The following IKBKB-DT variants were observed in gnomAD, a reference collection of about 807,000 sequenced individuals.
IKBKB-DT encodes the protein IKBKB antisense RNA.
chr8:42,250,997 C>A (rs748699203), intron 3 of IKBKB-DT, among the ~76,000 whole-genome samples: 3 of 152,200 alleles, frequency 2.0e-5, no homozygotes, highest in Non-Finnish European at 4.4e-5. Context: ...CTTTGCCCAG[C>A]ACTTTGGGAG....
In IKBKB-DT at chr8:42,241,224, C is replaced by CTTTTTTTTTTTTTTTTTTTTTTTTT. The variant is rs773177896; in HGVS notation, n.1530-7390_1530-7366dup. Among the ~76,000 whole-genome samples, 3 of 45,692 alleles carry CTTTTTTTTTTTTTTTTTTTTTTTTT rather than the reference C, an allele frequency of 6.6e-5. 1 individual carries two copies. Among genetic ancestry groups the CTTTTTTTTTTTTTTTTTTTTTTTTT allele is most frequent in the African/African-American group, 1.2e-4 (2 of 16,576 alleles). The allele number at this position is 45,692 out of a possible 152,430, so 30.0% of individuals were successfully genotyped here. On this transcript the variant is annotated intron_variant and non_coding_transcript_variant, in intron 3 of 3. Coordinates refer to ENST00000518213, the Ensembl canonical transcript of IKBKB-DT. Reference sequence around the variant, plus strand: ...TTGATGCCTTTAGATATGTTGGAATCTTTTTTTTTTTTTTTTTTTTTTTTT... The same window carrying CTTTTTTTTTTTTTTTTTTTTTTTTT: ...TTGATGCCTTTAGATATGTTGGAATCTTTTTTTTTTTTTTTTTTTTTTTTTTTTTTTTTTTTTTTTTTTTTTTTTT...
rs181095646 is a variant in IKBKB-DT, at chr8:42,257,653, G to T, written n.1529+5676C>A. The stretch of plus-strand genomic sequence containing the variant: ...AAGTTGTCAAAAATGCCAAAAGACG[G>T]CTGGGCTCAGTGGCTCATGCCTATA... On this transcript the variant is annotated intron_variant and non_coding_transcript_variant, in intron 3 of 3. Transcript: ENST00000518213. Among the ~76,000 whole-genome samples, 3 of 152,138 alleles carry T rather than the reference G, an allele frequency of 2.0e-5. No homozygotes were observed. The East Asian group carries it at 5.8e-4, about 29-fold the overall frequency.
At chr8:42,256,026 C>CA (rs57264654) in intron 3 of IKBKB-DT, among the ~76,000 whole-genome samples, 115 of 129,076 alleles carry the variant, frequency 8.9e-4, no homozygotes, top group Middle Eastern at 4.1e-3. Flanking sequence ...AACTCCATCT[C>CA]AAAAAAAAAA....
exon 2 of IKBKB-DT, chr8:42,265,776 C>T (rs1807361264): frequency 6.6e-6 from 1 of 152,236 alleles, no homozygotes; most frequent in South Asian, 2.1e-4. Context: ...GTGATTTCCT[C>T]CTCTAAGCTC....
intron 3 of IKBKB-DT, among the ~76,000 whole-genome samples, chr8:42,254,696 C>G (rs1249607303): frequency 1.3e-5 from 2 of 148,692 alleles, no homozygotes; most frequent in African/African-American, 2.5e-5. Context: ...CCTGGCCTCC[C>G]CATCTGGGAT....
chr8:42,239,635 T>TATATATATATATATATATATATATATATA (rs56036653), intron 3 of IKBKB-DT, among the ~76,000 whole-genome samples: 1 of 54,118 alleles, frequency 1.8e-5, no homozygotes, highest in African/African-American at 5.7e-5. Context: ...TATATATATA[T>TATATATATATATATATATATATATATATA]TTATTTATTT....
chr8:42,240,728 G>A (rs1359913972), intron 3 of IKBKB-DT, among the ~76,000 whole-genome samples: 1 of 150,064 alleles, frequency 6.7e-6, no homozygotes. Flanking sequence ...TGTAATCCCA[G>A]CACTTTGAGA....
intron 1 of IKBKB-DT, among the ~76,000 whole-genome samples, chr8:42,268,727 C>G (rs1053401885): frequency 5.3e-5 from 8 of 150,460 alleles, no homozygotes; most frequent in African/African-American, 2.0e-4. Flanking sequence ...CCACCACGCC[C>G]AGCTAATTTT....
intron 3 of IKBKB-DT, among the ~76,000 whole-genome samples, chr8:42,255,000 G>C (rs1412309488): frequency 6.6e-6 from 1 of 150,650 alleles, no homozygotes; most frequent in African/African-American, 2.4e-5. Context: ...GCCTCTGCCC[G>C]GCCACCACCC....
At chr8:42,259,805 A>G (rs1168923202) in intron 3 of IKBKB-DT, among the ~76,000 whole-genome samples, 2 of 152,064 alleles carry the variant, frequency 1.3e-5, no homozygotes, top group Non-Finnish European at 2.9e-5. Flanking sequence ...AACATGGCAA[A>G]ACCCTGTCTC....
chr8:42,238,474 T>C (rs1007537318), intron 3 of IKBKB-DT, among the ~76,000 whole-genome samples: 83 of 152,166 alleles, frequency 5.5e-4, no homozygotes, highest in African/African-American at 2.0e-3. Context: ...GAAAGACTAA[T>C]GAAAGTCCAC....
rs59420104 is a variant in IKBKB-DT at position 42,251,828 on chromosome 8, C to CAAAAAAAAAAAA, written n.1529+11489_1529+11500dup. The stretch of plus-strand genomic sequence containing the variant: ...TAGGCAATAGAGCAAGACTCCATCT[C>CAAAAAAAAAAAA]AAAAAAAAAAAAAAAGAAAAGAAAA... On this transcript the variant is annotated intron_variant and non_coding_transcript_variant, in intron 3 of 3. Transcript: ENST00000518213. 6.1e-4 allele frequency among the ~76,000 whole-genome samples: 56 copies of CAAAAAAAAAAAA among 91,444 alleles called. 2 individuals carry two copies. The highest frequency in any genetic ancestry group is 2.0e-3 in the African/African-American group (52 of 25,776). The allele number at this position is 91,444 out of a possible 152,430, so 60.0% of individuals were successfully genotyped here. A position where few individuals can be genotyped will look rare whatever the true frequency, so the allele number is the denominator to read the frequency against.
rs530197555 is a variant in IKBKB-DT at position 42,254,804 on chromosome 8, C to T, written n.1529+8525G>A. Among the ~76,000 whole-genome samples, 11 of 150,630 alleles carry T rather than the reference C, an allele frequency of 7.3e-5. No homozygotes were observed. The East Asian group carries it at 1.4e-3, about 19-fold the overall frequency. On this transcript the variant is annotated intron_variant and non_coding_transcript_variant, in intron 3 of 3. Transcript: ENST00000518213. ...CTGGGAAGTAAGGAGCGCCTCTGCC[C>T]GGCTACCCCATCTGGGAAGTGAGGT... is the stretch of plus-strand genomic sequence containing the variant.
At position 42,264,260 on chromosome 8, in the gene IKBKB-DT, GACCCT is replaced by G. The variant is rs556962635; in HGVS notation, n.1386-793_1386-789del. ...TGGTCTCGAACTCCTGATTTCAAGT[GACCCT>G]CCTACCTCAGCCTCCCCAGTAGCTG... On this transcript the variant is annotated intron_variant and non_coding_transcript_variant, in intron 2 of 3. Coordinates refer to ENST00000518213, the Ensembl canonical transcript of IKBKB-DT. Among the ~76,000 whole-genome samples the G allele has an allele frequency of 7.2e-5, 11 of 151,756 alleles. No individual in the cohort carries two copies. The South Asian group carries it at 2.3e-3, about 32-fold the overall frequency.
In IKBKB-DT at chr8:42,248,024, C is replaced by T. The variant is rs192233082; in HGVS notation, n.1530-14165G>A. The stretch of plus-strand genomic sequence containing the variant: ...AGAAGAATTGCTTGAACCTGGGAGG[C>T]GGAGGTTGTAGTGAGCTGAGATCTC... On this transcript the variant is annotated intron_variant and non_coding_transcript_variant, in intron 3 of 3. Transcript: ENST00000518213. Among the ~76,000 whole-genome samples, 5 of 149,490 alleles carry T rather than the reference C, an allele frequency of 3.3e-5. No individual in the cohort carries two copies. In the Admixed American group the frequency reaches 3.4e-4, roughly 10 times the overall value.
intron 3 of IKBKB-DT, among the ~76,000 whole-genome samples, chr8:42,256,894 T>C (rs1211399865): frequency 6.6e-6 from 1 of 152,174 alleles, no homozygotes; most frequent in Non-Finnish European, 1.5e-5. Flanking sequence ...ATTATAGTTG[T>C]TTGCAAAAGC....
intron 3 of IKBKB-DT, among the ~76,000 whole-genome samples, chr8:42,242,671 A>ACAGT (rs1807017805): frequency 6.6e-6 from 1 of 152,144 alleles, no homozygotes; most frequent in African/African-American, 2.4e-5. Context: ...GCTGATGCCT[A>ACAGT]CAGTCCTTCC....
intron 3 of IKBKB-DT, among the ~76,000 whole-genome samples, chr8:42,244,310 A>C (rs781432271): frequency 6.6e-6 from 1 of 152,080 alleles, no homozygotes; most frequent in Non-Finnish European, 1.5e-5. Context: ...TATTTGGGAG[A>C]AGAAGATCTT....
chr8:42,258,142 T>C (rs1363939512), intron 3 of IKBKB-DT, among the ~76,000 whole-genome samples: 1 of 152,118 alleles, frequency 6.6e-6, no homozygotes, highest in African/African-American at 2.4e-5. Flanking sequence ...AGTCCAATAC[T>C]CCAATAAAAC....
Sources: gnomAD v4.1 joint callset for allele counts (sites outside exome capture counted in the v4.1 genomes callset) on GRCh38, gnomAD v4.1.1 for gene constraint, MANE v1.5 for transcripts, NCBI Gene and HGNC (gene_info 2026-07-23, HGNC 2026-07-21) for gene names.